The following MALRD1 variants were observed in gnomAD, a reference collection of about 807,000 sequenced individuals.
MALRD1 encodes the protein MAM and LDL-receptor class A domain-containing protein 1.
Under a neutral mutation model 242.1 loss-of-function variants are expected in MALRD1, and 247 were observed. The ratio of observed to expected loss-of-function variants is 1.02; its 90% confidence interval spans 0.92 to 1.13. The LOEUF (loss-of-function observed/expected upper bound fraction) is 1.13. Among genes scored for constraint, MALRD1 ranks in the 50% most tolerant of loss-of-function variants. MALRD1 has a pLI of 0.00. For synonymous variants in MALRD1, 995 were observed against 866.6 expected, an observed-to-expected ratio of 1.15 and a Z score of -2.60; for missense variants, 2,989 against 2,533.1, an observed-to-expected ratio of 1.18 and a Z score of -3.86.
chr10:19,708,751 T>C lies in MALRD1; in HGVS notation c.6314+16197T>C, dbSNP rs1413715639. On this transcript the variant is annotated intron_variant, in intron 38 of 39. Transcript: ENST00000454679. ...ATCTCGGCTCACCACAACCTCCGCC[T>C]CCCAGGTTCAAGCGATTCTCCTGCC... Among the ~76,000 whole-genome samples, 96 of 122,934 alleles carry C rather than the reference T, an allele frequency of 7.8e-4. 10 individuals carry two copies. Among genetic ancestry groups the C allele is most frequent in the African/African-American group, 2.2e-3 (86 of 38,568 alleles). The allele number at this position is 122,934 out of a possible 152,430, so 80.6% of individuals were successfully genotyped here.
At chr10:19,590,289 A>C (rs1259054502) in intron 33 of MALRD1, among the ~76,000 whole-genome samples, 1 of 148,016 alleles carries the variant, frequency 6.8e-6, no homozygotes, top group Non-Finnish European at 1.5e-5. Context: ...TTTTATATAC[A>C]TGTATATATT....
At chr10:19,102,427 G>C (rs999087317) in intron 4 of MALRD1, among the ~76,000 whole-genome samples, 7 of 152,054 alleles carry the variant, frequency 4.6e-5, no homozygotes, top group Admixed American at 1.3e-4. Flanking sequence ...ATGTTTCTCA[G>C]TGGACTTTTA....
At chr10:19,247,504 AT>A (rs1176283602) in intron 18 of MALRD1, among the ~76,000 whole-genome samples, 6 of 151,782 alleles carry the variant, frequency 4.0e-5, no homozygotes, top group Non-Finnish European at 8.8e-5. Flanking sequence ...GGAGAAACGT[AT>A]GTTAAATTAT....
chr10:19,360,258 T>G (rs4319408), intron 26 of MALRD1, among the ~76,000 whole-genome samples: 133,928 of 152,010 alleles, frequency 0.88, 59,293 homozygotes, highest in African/African-American at 0.94. Context: ...TGAAACTTCA[T>G]ATCTCTGAAT....
chr10:19,456,029 A>G (rs1423347673), intron 29 of MALRD1, among the ~76,000 whole-genome samples: 2 of 152,166 alleles, frequency 1.3e-5, no homozygotes, highest in Non-Finnish European at 2.9e-5. Flanking sequence ...TAATGGTATA[A>G]GATGTTGCCT....
intron 28 of MALRD1, among the ~76,000 whole-genome samples, chr10:19,425,862 C>G (rs1367335402): frequency 1.3e-5 from 2 of 152,152 alleles, no homozygotes; most frequent in African/African-American, 4.8e-5. Context: ...CTTCGAACCA[C>G]AGGCTACCAG....
intron 21 of MALRD1, among the ~76,000 whole-genome samples, chr10:19,307,386 G>A (rs911772005): frequency 6.6e-6 from 1 of 151,540 alleles, no homozygotes; most frequent in East Asian, 2.0e-4. Context: ...TCAACTGTCA[G>A]GAGGCAGTCT....
At chr10:19,717,062 G>A (rs950288855) in intron 38 of MALRD1, among the ~76,000 whole-genome samples, 1 of 152,092 alleles carries the variant, frequency 6.6e-6, no homozygotes, top group Non-Finnish European at 1.5e-5. Flanking sequence ...ACTATCAGGT[G>A]TTTTATTTGA....
chr10:19,205,281 T>A lies in MALRD1; in HGVS notation c.2578+16T>A, dbSNP rs1468738932. 6.6e-7 allele frequency: 1 copy of A among 1,522,744 alleles called. No individual in the cohort carries two copies. The highest frequency in any genetic ancestry group is 1.2e-5 in the South Asian group (1 of 80,390). 94.3% of individuals were successfully genotyped at this position (1,522,744 alleles called of 1,614,324 possible). On this transcript the variant is annotated intron_variant, in intron 17 of 39. Coordinates refer to ENST00000454679, the MANE Select transcript of MALRD1 (RefSeq NM_001142308.3). ...GTCAACTGTGGTAAGTTCTTTTTGG[T>A]TGGGGGATTCTCTTTCTCATTTTGA...
chr10:19,461,498 A>T (rs1835940059), intron 29 of MALRD1, among the ~76,000 whole-genome samples: 1 of 152,200 alleles, frequency 6.6e-6, no homozygotes, highest in African/African-American at 2.4e-5. Context: ...GGTACAAGGA[A>T]TCACATCAAT....
chr10:19,578,585 G>C (rs1394371878), intron 33 of MALRD1, among the ~76,000 whole-genome samples: 1 of 152,230 alleles, frequency 6.6e-6, no homozygotes, highest in Non-Finnish European at 1.5e-5. Context: ...TCAACTACTT[G>C]GGAAGATGAG....
chr10:19,292,106 A>G (rs561276985), intron 21 of MALRD1, among the ~76,000 whole-genome samples: 21 of 150,114 alleles, frequency 1.4e-4, no homozygotes, highest in African/African-American at 4.4e-4. Flanking sequence ...AAAAAAATCA[A>G]ATTTGTGTGT....
At chr10:19,716,650 T>C (rs952686185) in intron 38 of MALRD1, 1 of 152,218 alleles carries the variant, frequency 6.6e-6, no homozygotes, top group African/African-American at 2.4e-5. Flanking sequence ...AGATAATTAT[T>C]GATACTTTTC....
In MALRD1 at chr10:19,112,973, T is replaced by A. The variant is rs1342096069; in HGVS notation, c.694+8898T>A. 2.6e-5 allele frequency among the ~76,000 whole-genome samples: 4 copies of A among 152,302 alleles called. No homozygotes were observed. In the East Asian group the frequency reaches 7.7e-4, roughly 29 times the overall value. ...TCTCTTTTTTTCACCTTTATATCAA[T>A]TTGGCTAAAAAATATTATTGAGGGA... On this transcript the variant is annotated intron_variant, in intron 5 of 39. Coordinates refer to ENST00000454679, the MANE Select transcript of MALRD1 (RefSeq NM_001142308.3).
chr10:19,548,199 A>C (rs1054345281), intron 32 of MALRD1, among the ~76,000 whole-genome samples: 1 of 151,370 alleles, frequency 6.6e-6, no homozygotes, highest in Admixed American at 6.6e-5. Context: ...GGGTTTCACC[A>C]TGTTGGTCAG....
intron 26 of MALRD1, among the ~76,000 whole-genome samples, chr10:19,376,999 T>C (rs1845639638): frequency 6.6e-6 from 1 of 152,196 alleles, no homozygotes; most frequent in Non-Finnish European, 1.5e-5. Flanking sequence ...AAAAGGAGAA[T>C]GATTAAGGTA....
intron 29 of MALRD1, among the ~76,000 whole-genome samples, chr10:19,460,681 T>C (rs1044571620): frequency 6.6e-6 from 1 of 152,236 alleles, no homozygotes; most frequent in East Asian, 1.9e-4. Context: ...AATGTATGAC[T>C]CTACCTAAAA....
chr10:19,283,076 C>T lies in MALRD1; in HGVS notation c.3314C>T (p.Pro1105Leu), dbSNP rs1840898612. The T allele has an allele frequency of 1.9e-6, 3 of 1,550,064 alleles. No homozygotes were observed. Among genetic ancestry groups the T allele is most frequent in the Non-Finnish European group, 2.6e-6 (3 of 1,146,620 alleles). The change falls in exon 21 of 40, where the codon CCA becomes CTA. Residue 1105 changes from proline to leucine, a missense_variant. Pro to Leu is a moderately conservative substitution (Grantham distance 98). Transcript: ENST00000454679. The stretch of plus-strand genomic sequence containing the variant: ...CTGTGTAAATGGTATCAACCAATCC[C>T]AGTACATTTGCTTCAAGATTCAAAC... ...RSLCKWYQPI[P>L]VHLLQDSNTF...
intron 14 of MALRD1, among the ~76,000 whole-genome samples, chr10:19,197,917 T>C (rs778237580): frequency 4.6e-5 from 7 of 152,230 alleles, no homozygotes; most frequent in Non-Finnish European, 8.8e-5. Flanking sequence ...ACATATAGCA[T>C]GTATTTGCTA....
Sources: gnomAD v4.1 joint callset for allele counts (sites outside exome capture counted in the v4.1 genomes callset) on GRCh38, gnomAD v4.1.1 for gene constraint, MANE v1.5 for transcripts, NCBI Gene and HGNC (gene_info 2026-07-23, HGNC 2026-07-21) for gene names.